The following COL21A1 variants were observed in gnomAD, a reference collection of about 807,000 sequenced individuals.
COL21A1 encodes the protein collagen alpha-1(XXI) chain.
A neutral mutation model predicts 137.9 loss-of-function variants in COL21A1; 149 were observed. The observed-to-expected ratio is 1.08, with a 90% confidence interval of 0.95 to 1.24. The LOEUF is 1.24. Among genes scored for constraint, COL21A1 ranks in the 50% most tolerant of loss-of-function variants. The pLI is 0.00. For synonymous variants in COL21A1, 456 were observed against 391.5 expected (o/e 1.16, Z -1.95); for missense variants, 1,167 against 1,158.4 (o/e 1.01, Z -0.11).
chr6:56,177,393 CAT>C (rs1475167449), intron 3 of COL21A1, among the ~76,000 whole-genome samples: 2 of 152,090 alleles, frequency 1.3e-5, no homozygotes, highest in African/African-American at 4.8e-5. Flanking sequence ...AAAGAAAAAG[CAT>C]GTGAATTTAT....
chr6:56,228,388 T>A (rs1338158758), intron 1 of COL21A1, among the ~76,000 whole-genome samples: 2 of 151,690 alleles, frequency 1.3e-5, no homozygotes, highest in Non-Finnish European at 2.9e-5. Context: ...ACTGTTTGAT[T>A]GCAGTGGACA....
intron 1 of COL21A1, among the ~76,000 whole-genome samples, chr6:56,290,689 A>G (rs1764020581): frequency 6.6e-6 from 1 of 151,822 alleles, no homozygotes; most frequent in African/African-American, 2.4e-5. Context: ...TTTAGTAGAG[A>G]TGGGGTTTCC....
intron 1 of COL21A1, among the ~76,000 whole-genome samples, chr6:56,327,957 T>G (rs1445672251): frequency 2.0e-5 from 3 of 152,072 alleles, no homozygotes; most frequent in Non-Finnish European, 4.4e-5. Context: ...GGAATCAGGC[T>G]AACATAATAG....
At chr6:56,160,763 T>G (rs1256769071) in intron 9 of COL21A1, among the ~76,000 whole-genome samples, 1 of 152,216 alleles carries the variant, frequency 6.6e-6, no homozygotes, top group Non-Finnish European at 1.5e-5. Context: ...ATATGGTCTC[T>G]TAAGTAATGT....
chr6:56,384,093 A>G (rs2094013428), intron 1 of COL21A1, among the ~76,000 whole-genome samples: 2 of 152,188 alleles, frequency 1.3e-5, no homozygotes, highest in Non-Finnish European at 2.9e-5. Context: ...CAGTCACACC[A>G]GAGTCCAAGA....
intron 1 of COL21A1, among the ~76,000 whole-genome samples, chr6:56,384,745 AC>A (rs1408229191): frequency 2.0e-5 from 3 of 152,176 alleles, no homozygotes; most frequent in Non-Finnish European, 4.4e-5. Context: ...AGAAGACTCA[AC>A]CCCACTTCTG....
chr6:56,388,827 T>C (rs2094023546), intron 1 of COL21A1, among the ~76,000 whole-genome samples: 1 of 152,202 alleles, frequency 6.6e-6, no homozygotes, highest in Non-Finnish European at 1.5e-5. Context: ...TAATAGACTA[T>C]GTGACCTTTC....
At chr6:56,069,504 CT>C (rs1413345847) in intron 21 of COL21A1, among the ~76,000 whole-genome samples, 1 of 150,438 alleles carries the variant, frequency 6.6e-6, no homozygotes, top group African/African-American at 2.4e-5. Context: ...CAAATTGCTA[CT>C]TTAAAAAAAG....
At chr6:56,259,685 G>A (rs1475178484) in intron 1 of COL21A1, among the ~76,000 whole-genome samples, 2 of 152,158 alleles carry the variant, frequency 1.3e-5, no homozygotes, top group Admixed American at 1.3e-4. Flanking sequence ...TCTTTCAAAT[G>A]TCCTATCACT....
intron 1 of COL21A1, among the ~76,000 whole-genome samples, chr6:56,227,005 T>C (rs1172709912): frequency 6.6e-6 from 1 of 151,936 alleles, no homozygotes; most frequent in African/African-American, 2.4e-5. Context: ...AAACTTAAAA[T>C]GGTGCCATGA....
chr6:56,092,377 T>C (rs969645332), intron 17 of COL21A1, among the ~76,000 whole-genome samples: 4 of 152,184 alleles, frequency 2.6e-5, no homozygotes, highest in Admixed American at 1.3e-4. Flanking sequence ...CATATTTATA[T>C]ATTGTTTAAC....
intron 1 of COL21A1, among the ~76,000 whole-genome samples, chr6:56,322,884 C>CAAAAAA (rs386407164): frequency 1.5e-5 from 2 of 129,794 alleles, no homozygotes; most frequent in Non-Finnish European, 3.2e-5. Flanking sequence ...CCTCTGCTAT[C>CAAAAAA]AAAAAAAAAA....
chr6:56,289,921 G>T (rs1197608557), intron 1 of COL21A1, among the ~76,000 whole-genome samples: 1 of 152,042 alleles, frequency 6.6e-6, no homozygotes, highest in Non-Finnish European at 1.5e-5. Flanking sequence ...ACTGGGCTGG[G>T]CAGTTATCTT....
intron 1 of COL21A1, among the ~76,000 whole-genome samples, chr6:56,238,511 C>A (rs1053410889): frequency 6.0e-5 from 9 of 150,856 alleles, no homozygotes; most frequent in Admixed American, 4.0e-4. Context: ...ACAAGCGAGA[C>A]CTGAGGATAC....
At chr6:56,166,041 TA>T (rs746950114) in intron 7 of COL21A1, among the ~76,000 whole-genome samples, 1 of 152,006 alleles carries the variant, frequency 6.6e-6, no homozygotes, top group Non-Finnish European at 1.5e-5. Flanking sequence ...GCTTATATTC[TA>T]GAACTATAAT....
chr6:56,233,075 G>T (rs1330278954), intron 1 of COL21A1, among the ~76,000 whole-genome samples: 1 of 151,794 alleles, frequency 6.6e-6, no homozygotes, highest in Non-Finnish European at 1.5e-5. Flanking sequence ...TGAACACTGT[G>T]CAACTCCTTC....
intron 1 of COL21A1, among the ~76,000 whole-genome samples, chr6:56,312,820 C>T (rs1443344145): frequency 1.3e-5 from 2 of 152,026 alleles, no homozygotes; most frequent in Non-Finnish European, 2.9e-5. Flanking sequence ...ACTGAGACCA[C>T]TGAGGTACAT....
intron 1 of COL21A1, among the ~76,000 whole-genome samples, chr6:56,269,182 A>G (rs1763463554): frequency 6.6e-6 from 1 of 152,236 alleles, no homozygotes; most frequent in Non-Finnish European, 1.5e-5. Context: ...CTTGGAAAAT[A>G]TATTTGAGGA....
chr6:56,311,611 G>A (rs77774399), intron 1 of COL21A1, among the ~76,000 whole-genome samples: 1,576 of 152,262 alleles, frequency 0.01, 32 homozygotes, highest in African/African-American at 0.036. Flanking sequence ...ATAGTTGTGT[G>A]TGTAAATATA....
Sources: gnomAD v4.1 joint callset for allele counts (sites outside exome capture counted in the v4.1 genomes callset) on GRCh38, gnomAD v4.1.1 for gene constraint, MANE v1.5 for transcripts, NCBI Gene and HGNC (gene_info 2026-07-23, HGNC 2026-07-21) for gene names.